Variants in ZNF710 observed in about 807,000 individuals in gnomAD.
ZNF710 encodes the protein zinc finger protein 710.
ZNF710 carries 13 observed loss-of-function variants against 50.6 expected under a neutral mutation model. That is an observed-to-expected ratio of 0.26 (90% CI 0.17 to 0.41). The LOEUF is 0.41. ZNF710 is among the 10% of genes least tolerant of loss of function. The pLI is 1.00. For missense variants in ZNF710, 721 were observed against 936.6 expected, an observed-to-expected ratio of 0.77 and a Z score of 3.01; for synonymous variants, 383 against 397.0, an observed-to-expected ratio of 0.96 and a Z score of 0.42.
chr15:90,077,256 T>C (rs983305395), intron 4 of ZNF710, among the ~76,000 whole-genome samples: 7 of 148,708 alleles, frequency 4.7e-5, no homozygotes, highest in African/African-American at 1.7e-4. Flanking sequence ...TTTTTTTTTT[T>C]TTTTTGAGAC....
chr15:90,009,738 A>G (rs1241365996), intron 1 of ZNF710, among the ~76,000 whole-genome samples: 1 of 151,804 alleles, frequency 6.6e-6, no homozygotes. Context: ...TCTTTACCCT[A>G]GGATTTCACA....
chr15:90,029,840 C>T (rs1898881577), intron 1 of ZNF710, among the ~76,000 whole-genome samples: 1 of 151,140 alleles, frequency 6.6e-6, no homozygotes, highest in Non-Finnish European at 1.5e-5. Context: ...GTCTCAAACT[C>T]CTGACCTTAG....
chr15:90,050,950 T>C lies in ZNF710; in HGVS notation c.-28-16160T>C, dbSNP rs534299662. Among the ~76,000 whole-genome samples, 196 of 152,230 alleles carry C rather than the reference T, an allele frequency of 1.3e-3. 2 individuals are homozygous for C. Among genetic ancestry groups the C allele is most frequent in the African/African-American group, 4.5e-3 (188 of 41,560 alleles). ...TGATAGGAACAATAATAATAGCAATTGCACAGGCTGGGGCACCGTGGCTCA... is the reference window on the plus strand; with the variant it reads ...TGATAGGAACAATAATAATAGCAATCGCACAGGCTGGGGCACCGTGGCTCA... On this transcript the variant is annotated intron_variant, in intron 1 of 4. Coordinates refer to ENST00000268154, the MANE Select transcript of ZNF710 (RefSeq NM_198526.4).
intron 4 of ZNF710, among the ~76,000 whole-genome samples, chr15:90,077,913 A>C (rs1320160816): frequency 6.6e-6 from 1 of 151,632 alleles, no homozygotes; most frequent in Non-Finnish European, 1.5e-5. Flanking sequence ...TGTCAAAAAA[A>C]GAAAAGAAAT....
Position 90,067,843 on chromosome 15 carries a change from T to A in ZNF710, c.706T>A (p.Ser236Thr). Residue 236 changes from serine (S) to threonine (T), a missense_variant, in exon 2 of 5, where the codon TCC (serine) becomes ACC (threonine). Transcript: ENST00000268154. This position sits in a 1 kb window ranked among gnomAD's most constrained non-coding sequence, Gnocchi z 8.1. ...LSDPEAPSME[S>T]PEPVKPEQGF... ...TGACCCCGAGGCCCCCAGCATGGAGTCCCCGGAGCCTGTCAAGCCGGAACA... is the reference window on the plus strand; with the variant it reads ...TGACCCCGAGGCCCCCAGCATGGAGACCCCGGAGCCTGTCAAGCCGGAACA... 6.3e-7 allele frequency: 1 copy of A among 1,592,750 alleles called. No individual in the cohort carries two copies. The highest frequency in any genetic ancestry group is 1.1e-5 in the South Asian group (1 of 89,260).
At chr15:90,037,706 T>A (rs77371204) in intron 1 of ZNF710, among the ~76,000 whole-genome samples, 5 of 152,180 alleles carry the variant, frequency 3.3e-5, no homozygotes, top group South Asian at 4.1e-4. Context: ...TCTTCAGCAC[T>A]CATAAGCATC....
intron 1 of ZNF710, among the ~76,000 whole-genome samples, chr15:90,037,915 C>T (rs1055981026): frequency 1.1e-4 from 16 of 152,144 alleles, no homozygotes; most frequent in South Asian, 2.1e-4. Flanking sequence ...ACGAATTCCC[C>T]GAGGGAGGCC....
chr15:90,022,903 G>T (rs1898664871), intron 1 of ZNF710, among the ~76,000 whole-genome samples: 1 of 152,190 alleles, frequency 6.6e-6, no homozygotes, highest in South Asian at 2.1e-4. Flanking sequence ...ATCCATTTGA[G>T]AATGTAGAAA....
chr15:90,021,950 G>C (rs557233863), intron 1 of ZNF710, among the ~76,000 whole-genome samples: 2 of 152,102 alleles, frequency 1.3e-5, no homozygotes, highest in Admixed American at 6.6e-5. Flanking sequence ...GCATGGTGGC[G>C]CATGCCTGTA....
intron 1 of ZNF710, among the ~76,000 whole-genome samples, chr15:90,063,262 C>T (rs896907589): frequency 6.6e-6 from 1 of 152,174 alleles, no homozygotes; most frequent in African/African-American, 2.4e-5. Context: ...TGGGGCCACA[C>T]GGGCCTGGCT....
At chr15:90,048,269 C>G (rs1487321693) in intron 1 of ZNF710, among the ~76,000 whole-genome samples, 1 of 152,232 alleles carries the variant, frequency 6.6e-6, no homozygotes, top group Non-Finnish European at 1.5e-5. Context: ...AGCAGGCCTG[C>G]TCATTCTCTT....
intron 4 of ZNF710, chr15:90,076,628 C>T (rs973791778): frequency 2.6e-5 from 4 of 151,566 alleles, no homozygotes; most frequent in Non-Finnish European, 1.5e-5. Flanking sequence ...GTAATCCCAG[C>T]TACTCGGGAG....
In ZNF710 at chr15:90,023,344, C is replaced by T. The variant is rs181068490; in HGVS notation, c.-29+21730C>T. Reference sequence around the variant, plus strand: ...TAAAACACCAGCTCATTTCCATTCTCCTTGCACAAGTTCTTCTGCTGGCTG... The same window carrying T: ...TAAAACACCAGCTCATTTCCATTCTTCTTGCACAAGTTCTTCTGCTGGCTG... On this transcript the variant is annotated intron_variant, in intron 1 of 4. Transcript: ENST00000268154. 5.4e-3 allele frequency among the ~76,000 whole-genome samples: 823 copies of T among 152,336 alleles called. 10 individuals carry two copies. The highest frequency in any genetic ancestry group is 0.017 in the African/African-American group (706 of 41,570).
intron 1 of ZNF710, among the ~76,000 whole-genome samples, chr15:90,031,028 G>GAAAA (rs540881386): frequency 1.6e-5 from 2 of 122,852 alleles, no homozygotes; most frequent in Non-Finnish European, 3.3e-5. Context: ...CAAAAAAAAA[G>GAAAA]AAAAAAAAAA....
At chr15:90,061,465 C>T (rs1900006124) in intron 1 of ZNF710, among the ~76,000 whole-genome samples, 1 of 152,176 alleles carries the variant, frequency 6.6e-6, no homozygotes, top group South Asian at 2.1e-4. Flanking sequence ...AGCCTCCGCG[C>T]CCGCCCTTCA....
At position 90,034,432 on chromosome 15, in the gene ZNF710, G is replaced by C. The variant is rs1899049053; in HGVS notation, c.-28-32678G>C. The stretch of plus-strand genomic sequence containing the variant: ...GTCCTTCCTGTTTCCAAATTCCTGT[G>C]TGTGTGTGTGTGTGTGTGTGTGTGT... On this transcript the variant is annotated intron_variant, in intron 1 of 4. Transcript: ENST00000268154. The surrounding 1 kb of genome is among the most constrained non-coding windows in gnomAD (Gnocchi z 4.0). 1.1e-4 allele frequency among the ~76,000 whole-genome samples: 6 copies of C among 53,198 alleles called. No individual in the cohort carries two copies. The South Asian group carries it at 1.7e-3, about 15-fold the overall frequency. The allele number at this position is 53,198 out of a possible 152,430, so 34.9% of individuals were successfully genotyped here.
At chr15:90,009,765 G>T in intron 1 of ZNF710, among the ~76,000 whole-genome samples, 1 of 151,784 alleles carries the variant, frequency 6.6e-6, no homozygotes, top group East Asian at 1.9e-4. Flanking sequence ...AGTCCACTCT[G>T]TCCCCACTTC....
At chr15:90,033,718 C>T (rs1313092731) in intron 1 of ZNF710, among the ~76,000 whole-genome samples, 1 of 152,154 alleles carries the variant, frequency 6.6e-6, no homozygotes, top group Non-Finnish European at 1.5e-5. Flanking sequence ...GCTACCATGC[C>T]CAGCTTGTCC....
chr15:90,057,220 C>G (rs1357395878), intron 1 of ZNF710, among the ~76,000 whole-genome samples: 1 of 152,064 alleles, frequency 6.6e-6, no homozygotes, highest in Admixed American at 6.6e-5. Context: ...TAGGTCTGGG[C>G]CCAGCTTCTG....
Sources: allele counts gnomAD v4.1 joint callset (sites outside exome capture counted in the v4.1 genomes callset), GRCh38; gene constraint gnomAD v4.1.1; non-coding constraint Gnocchi (gnomAD v3.1); transcripts MANE v1.5; gene names NCBI Gene and HGNC (gene_info 2026-07-23, HGNC 2026-07-21).